Variants in PDE10A observed in about 807,000 individuals in gnomAD.
The protein encoded by PDE10A is phosphodiesterase 10A.
PDE10A carries 39 observed loss-of-function variants against 97.7 expected under a neutral mutation model. The observed-to-expected ratio is 0.40, with a 90% confidence interval of 0.31 to 0.52. The LOEUF (loss-of-function observed/expected upper bound fraction) is 0.52, where lower values mean the gene tolerates loss of function less well. Ranked by LOEUF, PDE10A falls within the 20% of genes least tolerant of loss-of-function variation. PDE10A has a pLI of 0.56. For synonymous variants in PDE10A, 371 were observed against 376.8 expected, an observed-to-expected ratio of 0.98 and a Z score of 0.18; for missense variants, 731 against 1,047.8, an observed-to-expected ratio of 0.70 and a Z score of 4.17.
intron 3 of PDE10A, among the ~76,000 whole-genome samples, chr6:165,462,189 C>T (rs576893538): frequency 1.7e-4 from 26 of 152,306 alleles, no homozygotes; most frequent in African/African-American, 6.3e-4. Flanking sequence ...GTATCCCATA[C>T]AATTCTCAAG....
At chr6:165,582,223 A>G (rs1785652078) in intron 1 of PDE10A, among the ~76,000 whole-genome samples, 1 of 152,198 alleles carries the variant, frequency 6.6e-6, no homozygotes, top group African/African-American at 2.4e-5. Context: ...TTGAAGGCAG[A>G]TATTCACCAT....
chr6:165,456,724 C>T (rs1777975813), intron 3 of PDE10A, among the ~76,000 whole-genome samples: 1 of 152,088 alleles, frequency 6.6e-6, no homozygotes, highest in East Asian at 1.9e-4. Context: ...TAAGCTATGA[C>T]CTAGGTTTTA....
chr6:165,831,884 T>C (rs937592642), intron 1 of PDE10A, among the ~76,000 whole-genome samples: 1 of 152,128 alleles, frequency 6.6e-6, no homozygotes, highest in African/African-American at 2.4e-5. Context: ...TGCCTTTCTT[T>C]TGTGCTTCTC....
chr6:165,582,406 AT>A (rs1562600949), intron 1 of PDE10A, among the ~76,000 whole-genome samples: 1 of 152,214 alleles, frequency 6.6e-6, no homozygotes, highest in Non-Finnish European at 1.5e-5. Context: ...TATGATTTCT[AT>A]GTCGATTTAA....
At chr6:165,410,848 G>A (rs1787698310) in intron 13 of PDE10A, among the ~76,000 whole-genome samples, 1 of 149,282 alleles carries the variant, frequency 6.7e-6, no homozygotes, top group Non-Finnish European at 1.5e-5. Context: ...CAGCACTTTG[G>A]GAGGCCGAGG....
intron 1 of PDE10A, among the ~76,000 whole-genome samples, chr6:165,927,189 A>G (rs1782963635): frequency 1.3e-5 from 2 of 152,154 alleles, no homozygotes; most frequent in African/African-American, 2.4e-5. Flanking sequence ...CACGTCTTGC[A>G]CATGTACGCC....
intron 1 of PDE10A, among the ~76,000 whole-genome samples, chr6:165,609,466 C>G (rs1156426576): frequency 6.6e-6 from 1 of 152,206 alleles, no homozygotes; most frequent in Non-Finnish European, 1.5e-5. Context: ...GATGCCCTCT[C>G]TCACCATTCC....
chr6:165,612,306 C>G (rs1787531853), intron 1 of PDE10A, among the ~76,000 whole-genome samples: 2 of 152,152 alleles, frequency 1.3e-5, no homozygotes, highest in African/African-American at 2.4e-5. Context: ...ATCAGGAATG[C>G]TCTGCTCCTT....
At chr6:165,972,250 G>A (rs375407527) in intron 1 of PDE10A, among the ~76,000 whole-genome samples, 2 of 152,068 alleles carry the variant, frequency 1.3e-5, no homozygotes, top group South Asian at 2.1e-4. Context: ...TCTGCTGGCC[G>A]GGATGGAGCT....
intron 19 of PDE10A, among the ~76,000 whole-genome samples, chr6:165,340,649 G>C (rs1402226091): frequency 6.6e-6 from 1 of 152,188 alleles, no homozygotes; most frequent in Non-Finnish European, 1.5e-5. Context: ...ATGCTAAAAA[G>C]GAAAAGAACC....
Position 165,964,296 on chromosome 6 carries a change from C to T in PDE10A, c.-615+23233G>A, listed in dbSNP as rs140603123. Among the ~76,000 whole-genome samples, 493 of 152,278 alleles carry T rather than the reference C, an allele frequency of 3.2e-3. 2 individuals carry two copies. Among genetic ancestry groups the T allele is most frequent in the African/African-American group, 0.011 (462 of 41,564 alleles). On this transcript the variant is annotated intron_variant, in intron 1 of 19. Coordinates refer to the PDE10A transcript ENST00000366882. ...AGAAGAGGACTTAGACTCGGTCAGC[C>T]GCCAGCTCCTCATTTCATAGACACC...
chr6:165,702,789 A>G (rs1791612618), intron 1 of PDE10A, among the ~76,000 whole-genome samples: 1 of 152,170 alleles, frequency 6.6e-6, no homozygotes, highest in South Asian at 2.1e-4. Flanking sequence ...TGCAGTTCCC[A>G]TGGTGCACTG....
intron 2 of PDE10A, among the ~76,000 whole-genome samples, chr6:165,511,839 G>T (rs2128302095): frequency 6.6e-6 from 1 of 152,016 alleles, no homozygotes; most frequent in Non-Finnish European, 1.5e-5. Context: ...AGCTACTCCT[G>T]CTAGCTTTTG....
At chr6:165,895,733 A>C (rs1414629494) in intron 1 of PDE10A, among the ~76,000 whole-genome samples, 1 of 152,060 alleles carries the variant, frequency 6.6e-6, no homozygotes, top group Non-Finnish European at 1.5e-5. Flanking sequence ...GTCTTTCCTG[A>C]ATTACCAAAA....
chr6:165,883,539 CAA>C (rs1216515740), intron 1 of PDE10A, among the ~76,000 whole-genome samples: 5 of 58,928 alleles, frequency 8.5e-5, no homozygotes, highest in African/African-American at 1.8e-4. Flanking sequence ...GACTCCGTCT[CAA>C]AAAAAAAAAA....
At chr6:165,778,261 G>A (rs1196560090) in intron 1 of PDE10A, among the ~76,000 whole-genome samples, 3 of 151,900 alleles carry the variant, frequency 2.0e-5, no homozygotes, top group Non-Finnish European at 2.9e-5. Flanking sequence ...TAGTAGAGAC[G>A]GGGTTTCACC....
chr6:165,947,510 C>G (rs956194829), intron 1 of PDE10A, among the ~76,000 whole-genome samples: 3 of 152,090 alleles, frequency 2.0e-5, no homozygotes, highest in African/African-American at 7.2e-5. Flanking sequence ...AGAGCTTTCT[C>G]TCACCAACTC....
At chr6:165,921,582 T>A (rs1782753885) in intron 1 of PDE10A, among the ~76,000 whole-genome samples, 1 of 152,206 alleles carries the variant, frequency 6.6e-6, no homozygotes, top group African/African-American at 2.4e-5. Flanking sequence ...CTGGGCCAGC[T>A]AAGCTTATGA....
chr6:165,838,873 G>C (rs1162063867), intron 1 of PDE10A, among the ~76,000 whole-genome samples: 4 of 152,238 alleles, frequency 2.6e-5, no homozygotes, highest in Non-Finnish European at 5.9e-5. Context: ...CTGAAGGCCA[G>C]CCTCCCTCTG....
Sources: allele counts gnomAD v4.1 joint callset (sites outside exome capture counted in the v4.1 genomes callset), GRCh38; gene constraint gnomAD v4.1.1; transcripts MANE v1.5; gene names NCBI Gene and HGNC (gene_info 2026-07-23, HGNC 2026-07-21).